INO80E: variants seen among roughly 807,000 people sequenced by gnomAD.
INO80E encodes coiled-coil domain containing 95.
A neutral mutation model predicts 27.3 loss-of-function variants in INO80E; 20 were observed. That is an observed-to-expected ratio of 0.73 (90% confidence interval 0.51 to 1.06). The LOEUF (loss-of-function observed/expected upper bound fraction) is 1.06. Ranked by LOEUF, INO80E falls within the 50% of genes least tolerant of loss-of-function variation. The pLI is 0.00. For synonymous variants in INO80E, 167 were observed against 145.9 expected (o/e 1.14, Z -1.04); for missense variants, 357 against 322.8 (o/e 1.11, Z -0.81).
In INO80E at chr16:30,005,553, C is replaced by A; in HGVS notation, c.*111C>A. ...TTATTGATGCCCAGCTGCCATGCTC[C>A]GGCCACTGACACAACCAGAAAAGGC... On this transcript the variant is annotated 3_prime_UTR_variant, in exon 7 of 7. Coordinates refer to ENST00000563197, the MANE Select transcript of INO80E (RefSeq NM_173618.3). The A allele has an allele frequency of 2.9e-6, 3 of 1,033,236 alleles. No homozygotes were observed. The highest frequency in any genetic ancestry group is 4.3e-6 in the Non-Finnish European group (3 of 696,250). The allele number at this position is 1,033,236 out of a possible 1,614,324, so 64.0% of individuals were successfully genotyped here.
intron 3 of INO80E, among the ~76,000 whole-genome samples, chr16:29,998,767 C>T (rs1201278610): frequency 2.0e-5 from 3 of 152,104 alleles, no homozygotes; most frequent in Admixed American, 2.0e-4. Context: ...TGGTCTGGGC[C>T]GGGCACGGTG....
chr16:29,996,853 C>T lies in INO80E; in HGVS notation c.198C>T (p.Asp66=), dbSNP rs1261737112. Residue 66 remains aspartate, a synonymous_variant, in exon 3 of 7, where the codon GAC becomes GAT. Coordinates refer to ENST00000563197, the MANE Select transcript of INO80E (RefSeq NM_173618.3). ...TGCAGTACGAGAACGTGGATGAAGA[C>T]TCTTCGGGTGAGCAAGGTCTTCAAA... ...RLLQYENVDE[D]SSDSDATASS... 6.2e-7 allele frequency: 1 copy of T among 1,614,172 alleles called. No homozygotes were observed. The highest frequency in any genetic ancestry group is 1.1e-5 in the South Asian group (1 of 91,086).
At chr16:30,002,994 C>T (rs1011125629) in intron 6 of INO80E, 1 of 149,582 alleles carries the variant, frequency 6.7e-6, no homozygotes, top group African/African-American at 2.5e-5. Context: ...GGCTTCACCT[C>T]TTGAGCCTGA....
At position 29,996,827 on chromosome 16, in the gene INO80E, C is replaced by T; in HGVS notation, c.172C>T (p.Leu58=). Residue 58 remains leucine (L), a synonymous_variant, in exon 3 of 7, where the codon CTG becomes TTG. Transcript: ENST00000563197. ...RDKSFLLDRL[L]QYENVDEDSS... ...CCTCAGTTTCCTCCTAGACCGACTT[C>T]TGCAGTACGAGAACGTGGATGAAGA... 6.2e-7 allele frequency: 1 copy of T among 1,614,200 alleles called. No individual in the cohort carries two copies. Among genetic ancestry groups the T allele is most frequent in the South Asian group, 1.1e-5 (1 of 91,088 alleles).
chr16:30,001,195 C>A lies in INO80E; in HGVS notation c.396+155C>A. ...TGGAGGGTGTGAGTCGGGGCTGCCC[C>A]CTTCTCTCTGGTATAGGAACGGGGC... On this transcript the variant is annotated intron_variant, in intron 5 of 6. Coordinates refer to ENST00000563197, the MANE Select transcript of INO80E (RefSeq NM_173618.3). 2.0e-6 allele frequency: 3 copies of A among 1,476,514 alleles called. No individual in the cohort carries two copies. The South Asian group carries it at 4.2e-5, about 20-fold the overall frequency. The allele number at this position is 1,476,514 out of a possible 1,614,324, so 91.5% of individuals were successfully genotyped here.
At position 30,003,345 on chromosome 16, in the gene INO80E, T is replaced by C. The variant is rs1384710977; in HGVS notation, c.513+1815T>C. Reference sequence around the variant, plus strand: ...AGCACTGCCTGGGCCAGAGCAGGAGTGGTAAGAAATTGGCAAGAAGAACCG... The same window carrying C: ...AGCACTGCCTGGGCCAGAGCAGGAGCGGTAAGAAATTGGCAAGAAGAACCG... On this transcript the variant is annotated intron_variant, in intron 6 of 6. Coordinates refer to ENST00000563197, the MANE Select transcript of INO80E (RefSeq NM_173618.3). This position sits in a 1 kb window ranked among gnomAD's most constrained non-coding sequence, Gnocchi z 4.4. 6.7e-6 allele frequency: 1 copy of C among 148,782 alleles called. No homozygotes were observed. Among genetic ancestry groups the C allele is most frequent in the Non-Finnish European group, 1.5e-5 (1 of 67,218 alleles). The allele number at this position is 148,782 out of a possible 1,614,324, so 9.2% of individuals were successfully genotyped here.
Position 30,001,410 on chromosome 16 carries a change from G to A in INO80E, c.397-4G>A, listed in dbSNP as rs200474177. On this transcript the variant is annotated splice_region_variant and splice_polypyrimidine_tract_variant and intron_variant, in intron 5 of 6. Coordinates refer to ENST00000563197, the MANE Select transcript of INO80E (RefSeq NM_173618.3). ...CCCATCTCCATCCCCGCTCCCGCCC[G>A]CAGCTGGCCTCCTCCCGCTACCCCC... 627 of 1,584,642 alleles carry A rather than the reference G, an allele frequency of 4.0e-4. No individual in the cohort carries two copies. The East Asian group carries it at 4.2e-3, about 11-fold the overall frequency.
chr16:29,999,784 T>TG (rs1287771095), intron 3 of INO80E, among the ~76,000 whole-genome samples: 4 of 152,140 alleles, frequency 2.6e-5, no homozygotes, highest in African/African-American at 9.7e-5. Context: ...ATGCAGGTAG[T>TG]GGGTGATGTC....
Position 30,005,312 on chromosome 16 carries a change from C to CA in INO80E, c.605_606insA (p.Leu203ProfsTer5). ...GCTGGGGTCGGGACAACCCTGACCC[C>CA]CCTCCCACCCCCTAAGATGCCCCCC... On this transcript the variant is annotated frameshift_variant, in exon 7 of 7. Transcript: ENST00000563197. LOFTEE classifies it high-confidence loss of function. The CA allele has an allele frequency of 1.6e-6, 2 of 1,253,604 alleles. No individual in the cohort carries two copies. Among genetic ancestry groups the CA allele is most frequent in the South Asian group, 1.8e-5 (1 of 56,642 alleles). 77.7% of individuals were successfully genotyped at this position (1,253,604 alleles called of 1,614,324 possible).
chr16:29,997,903 TAGTG>T (rs942780485), intron 3 of INO80E, among the ~76,000 whole-genome samples: 2 of 151,560 alleles, frequency 1.3e-5, no homozygotes, highest in African/African-American at 4.9e-5. Flanking sequence ...CTGGGCAACA[TAGTG>T]AGACCCCATC....
intron 3 of INO80E, among the ~76,000 whole-genome samples, chr16:30,000,552 A>G (rs371805570): frequency 6.6e-6 from 1 of 152,122 alleles, no homozygotes; most frequent in Admixed American, 6.5e-5. Context: ...TTTAATAGAG[A>G]TGAGGTCTTG....
At position 30,005,069 on chromosome 16, in the gene INO80E, G is replaced by A. The variant is rs1248016825; in HGVS notation, c.514-152G>A. On this transcript the variant is annotated intron_variant, in intron 6 of 6. Coordinates refer to ENST00000563197, the MANE Select transcript of INO80E (RefSeq NM_173618.3). Reference sequence around the variant, plus strand: ...TGGTTTGAGGCTCTCGAGGGGCTGAGGGGGGCAGGCCCTGAGTGCAGCATG... The same window carrying A: ...TGGTTTGAGGCTCTCGAGGGGCTGAAGGGGGCAGGCCCTGAGTGCAGCATG... 4 of 798,698 alleles carry A rather than the reference G, an allele frequency of 5.0e-6. No individual in the cohort carries two copies. In the African/African-American group the frequency reaches 5.5e-5, roughly 11 times the overall value. 49.5% of individuals were successfully genotyped at this position (798,698 alleles called of 1,614,324 possible).
At chr16:30,000,896 G>A in intron 4 of INO80E, 33 bp from the exon 5 acceptor site, 1 of 1,611,500 alleles carries the variant, frequency 6.2e-7, no homozygotes, top group Non-Finnish European at 8.5e-7. Context: ...TGGGCTCCTA[G>A]CCACATCTGA....
intron 3 of INO80E, among the ~76,000 whole-genome samples, chr16:29,998,494 C>T (rs1454283615): frequency 2.0e-5 from 3 of 152,110 alleles, no homozygotes. Context: ...ATAACCAGGG[C>T]CCCACATGTT....
Position 29,996,997 on chromosome 16 carries a change from C to A in INO80E, c.205+137C>A, listed in dbSNP as rs577442220. ...AAGCCTAGTTGCTTGCCTTCCACCT[C>A]CACCGTTCTTTCATTCAGGCACTTA... On this transcript the variant is annotated intron_variant, in intron 3 of 6. Transcript: ENST00000563197. 33 of 785,786 alleles carry A rather than the reference C, an allele frequency of 4.2e-5. No homozygotes were observed. The African/African-American group carries it at 5.1e-4, about 12-fold the overall frequency. 48.7% of individuals were successfully genotyped at this position (785,786 alleles called of 1,614,324 possible). A position where few individuals can be genotyped will look rare whatever the true frequency, so the allele number is the denominator to read the frequency against.
chr16:30,001,834 C>A (rs2070368106), intron 6 of INO80E: 1 of 383,730 alleles, frequency 2.6e-6, no homozygotes. Flanking sequence ...TGCCAGGTAG[C>A]CCCAGACCGG....
At chr16:30,001,149 G>A (rs2070335681) in intron 5 of INO80E, 109 bp downstream of exon 5, 2 of 1,470,146 alleles carry the variant, frequency 1.4e-6, no homozygotes, top group African/African-American at 1.4e-5. Context: ...ACATCTGTCT[G>A]GGTGTGGCCC....
At chr16:29,996,774 A>G in intron 2 of INO80E, 34 bp from the exon 3 acceptor site, 5 of 1,612,562 alleles carry the variant, frequency 3.1e-6, no homozygotes, top group Non-Finnish European at 4.2e-6. Flanking sequence ...CTGCGCTGGA[A>G]AATCACTGTC....
intron 3 of INO80E, among the ~76,000 whole-genome samples, chr16:29,997,717 T>C (rs904125146): frequency 2.7e-5 from 4 of 149,826 alleles, no homozygotes; most frequent in African/African-American, 9.9e-5. Flanking sequence ...TCGCTGCCAC[T>C]GCATTCCAGC....
Sources: gnomAD v4.1 joint callset for allele counts (sites outside exome capture counted in the v4.1 genomes callset) on GRCh38, gnomAD v4.1.1 for gene constraint, Gnocchi (gnomAD v3.1) non-coding constraint, MANE v1.5 for transcripts, NCBI Gene and HGNC (gene_info 2026-07-23, HGNC 2026-07-21) for gene names.